The following PPFIBP2 variants were observed in gnomAD, a reference collection of about 807,000 sequenced individuals.
PPFIBP2 encodes PPFIB scaffold protein 2, also known as liprin-beta-2.
Under a neutral mutation model 118.3 loss-of-function variants are expected in PPFIBP2, and 118 were observed. The ratio of observed to expected loss-of-function variants is 1.00; its 90% CI spans 0.86 to 1.16. The LOEUF (loss-of-function observed/expected upper bound fraction) is 1.16, where lower values mean the gene tolerates loss of function less well. PPFIBP2 is among the 50% of genes most tolerant of loss of function. The pLI is 0.00. For missense variants in PPFIBP2, 1,195 were observed against 1,073.1 expected (o/e 1.11, Z -1.59); for synonymous variants, 414 against 397.4 (o/e 1.04, Z -0.50).
intron 1 of PPFIBP2, among the ~76,000 whole-genome samples, chr11:7,535,432 G>T (rs528892478): frequency 1.3e-5 from 2 of 152,264 alleles, no homozygotes; most frequent in South Asian, 4.2e-4. Flanking sequence ...CCAGCGTAGT[G>T]GTTAGGAACA....
intron 8 of PPFIBP2, 128 bp from the exon 9 acceptor site, chr11:7,628,157 T>C (rs1289995252): frequency 2.8e-6 from 2 of 711,454 alleles, no homozygotes; most frequent in Non-Finnish European, 4.7e-6. Context: ...CATCCCGGCC[T>C]CTTTAAAGAA....
chr11:7,622,543 A>G (rs1216546337), intron 7 of PPFIBP2, among the ~76,000 whole-genome samples: 2 of 152,256 alleles, frequency 1.3e-5, no homozygotes, highest in East Asian at 1.9e-4. Context: ...AGCACTGAAC[A>G]TATATAAATA....
chr11:7,537,473 G>T (rs999261250), intron 1 of PPFIBP2, among the ~76,000 whole-genome samples: 2 of 152,196 alleles, frequency 1.3e-5, no homozygotes, highest in Non-Finnish European at 2.9e-5. Flanking sequence ...ATTGTGAATG[G>T]CTGTGTGGCC....
intron 10 of PPFIBP2, among the ~76,000 whole-genome samples, chr11:7,630,016 G>A (rs150974793): frequency 4.0e-4 from 61 of 152,336 alleles, no homozygotes; most frequent in East Asian, 3.1e-3. Flanking sequence ...AGAGAGAGCT[G>A]CTGTGTTTTA....
chr11:7,593,358 A>C (rs943407420), intron 4 of PPFIBP2, 134 bp downstream of exon 4: 12 of 1,317,390 alleles, frequency 9.1e-6, no homozygotes, highest in Non-Finnish European at 1.2e-5. Flanking sequence ...TTTAGAAAAG[A>C]CTTTTCCTGA....
chr11:7,544,769 A>C (rs1189382826), intron 1 of PPFIBP2, among the ~76,000 whole-genome samples: 1 of 108,960 alleles, frequency 9.2e-6, no homozygotes, highest in Admixed American at 8.6e-5. Flanking sequence ...GTGAGACTCC[A>C]TCTAAAAAAA....
intron 3 of PPFIBP2, among the ~76,000 whole-genome samples, chr11:7,571,535 G>T (rs1377071827): frequency 6.6e-6 from 1 of 152,224 alleles, no homozygotes; most frequent in East Asian, 1.9e-4. Flanking sequence ...AGATAGTCAG[G>T]ATACGTGTGT....
At chr11:7,653,829 G>C (rs537021255), downstream of PPFIBP2, 15 of 1,179,222 alleles carry the variant, frequency 1.3e-5, no homozygotes, top group South Asian at 2.2e-4. Context: ...GAGTCCTACG[G>C]ATTGCAGAGC....
chr11:7,556,613 CAT>C lies in PPFIBP2; in HGVS notation c.64+7076_64+7077del, dbSNP rs1853662419. Among the ~76,000 whole-genome samples the C allele has an allele frequency of 2.0e-5, 3 of 152,206 alleles. No homozygotes were observed. In the South Asian group the frequency reaches 6.2e-4, roughly 32 times the overall value. On this transcript the variant is annotated intron_variant, in intron 2 of 23. Transcript: ENST00000299492. ...TAACAGTTTTAACAACCTCTCCAGT[CAT>C]AGTTGATTCTTTCATCCTGCTTTTT...
Position 7,549,512 on chromosome 11 carries a change from C to G in PPFIBP2, c.37C>G (p.Leu13Val). Reference sequence around the variant, plus strand: ...TGCTAGTCATGCGCTGGAAGCTGCCCTGGAGCAAATGGACGGGATCATTGC... The same window carrying G: ...TGCTAGTCATGCGCTGGAAGCTGCCGTGGAGCAAATGGACGGGATCATTGC... The part of the protein sequence containing the change: ...SDASHALEAA[L>V]EQMDGIIAGT... The change falls in exon 2 of 24, where the codon CTG (leucine) becomes GTG (valine). Residue 13 changes from leucine to valine, a missense_variant. Physicochemically the swap from Leu to Val is conservative, Grantham distance 32. Coordinates refer to ENST00000299492, the MANE Select transcript of PPFIBP2 (RefSeq NM_003621.5). 1.9e-6 allele frequency: 3 copies of G among 1,563,868 alleles called. No homozygotes were observed. The highest frequency in any genetic ancestry group is 2.6e-6 in the Non-Finnish European group (3 of 1,153,918).
At chr11:7,604,481 C>T (rs1426696959) in intron 5 of PPFIBP2, among the ~76,000 whole-genome samples, 2 of 150,960 alleles carry the variant, frequency 1.3e-5, no homozygotes, top group African/African-American at 4.9e-5. Flanking sequence ...CACACACACC[C>T]CCCCATACCT....
At chr11:7,642,264 C>G in intron 16 of PPFIBP2, 34 bp from the exon 17 acceptor site, 1 of 1,611,354 alleles carries the variant, frequency 6.2e-7, no homozygotes, top group Non-Finnish European at 8.5e-7. Context: ...TCTGACTATT[C>G]CATGACCGTC....
chr11:7,519,224 A>G (rs372552662), intron 1 of PPFIBP2, among the ~76,000 whole-genome samples: 1 of 151,872 alleles, frequency 6.6e-6, no homozygotes, highest in South Asian at 2.1e-4. Context: ...TGAGAGGGAG[A>G]GGTAGAGTCT....
intron 3 of PPFIBP2, among the ~76,000 whole-genome samples, chr11:7,582,084 C>T (rs960251979): frequency 3.3e-5 from 5 of 151,904 alleles, no homozygotes; most frequent in Admixed American, 6.5e-5. Context: ...ATGATGCGCC[C>T]GCCTCAGCCT....
chr11:7,655,514 T>G (rs1854598795), downstream of PPFIBP2: 4 of 1,288,978 alleles, frequency 3.1e-6, no homozygotes, highest in African/African-American at 6.1e-5. Context: ...ACTCTGACCC[T>G]CTCCCCACAG....
chr11:7,609,358 GC>G (rs900054629), intron 5 of PPFIBP2, among the ~76,000 whole-genome samples: 1 of 152,064 alleles, frequency 6.6e-6, no homozygotes, highest in African/African-American at 2.4e-5. Context: ...TATTCTCCTT[GC>G]CACAACCTTT....
At chr11:7,577,330 T>TGTGTGTGTGTGC (rs1554958801) in intron 3 of PPFIBP2, 107 of 246,858 alleles carry the variant, frequency 4.3e-4, no homozygotes, top group South Asian at 6.9e-4. Context: ...CGTGTGTGTG[T>TGTGTGTGTGTGC]GTGTGTGTGT....
At chr11:7,642,856 G>A (rs1409428720) in intron 17 of PPFIBP2, among the ~76,000 whole-genome samples, 1 of 152,160 alleles carries the variant, frequency 6.6e-6, no homozygotes, top group Non-Finnish European at 1.5e-5. Context: ...GCATCATATT[G>A]TTTGCAGACC....
chr11:7,562,142 A>C (rs1854368397), intron 2 of PPFIBP2, among the ~76,000 whole-genome samples: 1 of 152,236 alleles, frequency 6.6e-6, no homozygotes, highest in African/African-American at 2.4e-5. Context: ...GGCGGAGCTC[A>C]GGCGTAATGC....
Sources: allele counts gnomAD v4.1 joint callset (sites outside exome capture counted in the v4.1 genomes callset), GRCh38; gene constraint gnomAD v4.1.1; transcripts MANE v1.5; gene names NCBI Gene and HGNC (gene_info 2026-07-23, HGNC 2026-07-21).